RANBP17: variants seen among roughly 807,000 people sequenced by gnomAD.
RANBP17 encodes the protein RAN binding protein 17, also known as ran-binding protein 17.
In RANBP17, 158 loss-of-function variants were observed where a neutral mutation model predicts 141.2. That is an observed-to-expected ratio of 1.12 (90% CI 0.98 to 1.28). The LOEUF is 1.28. Among genes scored for constraint, RANBP17 ranks in the 50% most tolerant of loss-of-function variants. The pLI is 0.00. For missense variants in RANBP17, 1,438 were observed against 1,290.7 expected, an observed-to-expected ratio of 1.11 and a Z score of -1.75; for synonymous variants, 430 against 450.0, an observed-to-expected ratio of 0.96 and a Z score of 0.56.
At position 171,295,462 on chromosome 5, in the gene RANBP17, G is replaced by A. The variant is rs1768759909; in HGVS notation, c.3043-425G>A. Among the ~76,000 whole-genome samples, 3 of 152,128 alleles carry A rather than the reference G, an allele frequency of 2.0e-5. 1 individual carries two copies. In the South Asian group the frequency reaches 6.2e-4, roughly 32 times the overall value. ...CACTGAAGCCAGGAAAGATGATAAG[G>A]CCTGAGGAAAGACCCTTGGCCTTGC... On this transcript the variant is annotated intron_variant, in intron 26 of 27. Transcript: ENST00000523189.
intron 11 of RANBP17, among the ~76,000 whole-genome samples, chr5:170,922,709 G>A (rs1772571580): frequency 6.6e-6 from 1 of 152,158 alleles, no homozygotes; most frequent in Non-Finnish European, 1.5e-5. Context: ...TACTGTTTCT[G>A]CAGATACAGT....
intron 14 of RANBP17, among the ~76,000 whole-genome samples, chr5:171,164,480 G>T (rs1224117887): frequency 6.6e-6 from 1 of 151,972 alleles, no homozygotes; most frequent in Admixed American, 6.6e-5. Context: ...TAAGCTACTT[G>T]CAAATTCTAC....
chr5:171,047,499 C>T (rs1480625723), intron 14 of RANBP17, among the ~76,000 whole-genome samples: 6 of 143,444 alleles, frequency 4.2e-5, no homozygotes, highest in South Asian at 2.2e-4. Flanking sequence ...TGCAGTGGTG[C>T]GATCTCAGCT....
intron 1 of RANBP17, among the ~76,000 whole-genome samples, chr5:170,877,332 C>G (rs1445495629): frequency 6.6e-6 from 1 of 152,004 alleles, no homozygotes; most frequent in Non-Finnish European, 1.5e-5. Flanking sequence ...ATGATAGTAT[C>G]AAGGCTCACT....
At chr5:171,130,911 T>C (rs1182529830) in intron 14 of RANBP17, among the ~76,000 whole-genome samples, 1 of 152,220 alleles carries the variant, frequency 6.6e-6, no homozygotes, top group Non-Finnish European at 1.5e-5. Context: ...CAGCATTTTA[T>C]TTATAATAAA....
intron 16 of RANBP17, among the ~76,000 whole-genome samples, chr5:171,174,751 AGTGT>A (rs57948503): frequency 0.011 from 1,521 of 135,694 alleles, 11 homozygotes; most frequent in African/African-American, 0.023. Flanking sequence ...AAATATCTAG[AGTGT>A]GTGTGTGTGT....
chr5:171,254,501 T>C (rs941467394), intron 24 of RANBP17, among the ~76,000 whole-genome samples: 3 of 152,168 alleles, frequency 2.0e-5, no homozygotes, highest in African/African-American at 4.8e-5. Context: ...TACATTTTAA[T>C]CAAGTAGACT....
intron 25 of RANBP17, among the ~76,000 whole-genome samples, chr5:171,270,888 C>T (rs2128026155): frequency 6.6e-6 from 1 of 151,994 alleles, no homozygotes; most frequent in South Asian, 2.1e-4. Flanking sequence ...GTATTTTTAG[C>T]AATTATCGTC....
intron 19 of RANBP17, among the ~76,000 whole-genome samples, chr5:171,202,413 A>C (rs897274213): frequency 6.6e-6 from 1 of 152,192 alleles, no homozygotes; most frequent in Non-Finnish European, 1.5e-5. Context: ...AAAACTTCTC[A>C]GAGAAAGAGA....
chr5:171,222,740 C>T (rs1763647544), intron 22 of RANBP17, among the ~76,000 whole-genome samples: 1 of 152,182 alleles, frequency 6.6e-6, no homozygotes. Context: ...AGGTGATCCT[C>T]CCACCTCAGC....
chr5:171,083,959 T>C (rs1302819925), intron 14 of RANBP17, among the ~76,000 whole-genome samples: 1 of 80,808 alleles, frequency 1.2e-5, no homozygotes, highest in African/African-American at 4.0e-5. Flanking sequence ...TGTGGTTATG[T>C]CTTTTTTTTT....
intron 14 of RANBP17, among the ~76,000 whole-genome samples, chr5:171,119,629 G>C (rs1478791257): frequency 6.6e-6 from 1 of 152,144 alleles, no homozygotes; most frequent in East Asian, 1.9e-4. Context: ...CTGTGGGTCT[G>C]TCATATATGG....
chr5:170,929,918 T>C (rs1208226615), intron 12 of RANBP17, among the ~76,000 whole-genome samples: 1 of 152,210 alleles, frequency 6.6e-6, no homozygotes, highest in Non-Finnish European at 1.5e-5. Context: ...GGGTCAAATT[T>C]AGTCATTTGT....
chr5:171,297,619 G>T, intron 27 of RANBP17, among the ~76,000 whole-genome samples: 1 of 151,526 alleles, frequency 6.6e-6, no homozygotes, highest in Non-Finnish European at 1.5e-5. Context: ...GAAGCCAGCA[G>T]ATGAGAGTTG....
chr5:171,053,917 AT>A (rs1783158269), intron 14 of RANBP17, among the ~76,000 whole-genome samples: 2 of 57,620 alleles, frequency 3.5e-5, no homozygotes, highest in African/African-American at 9.7e-5. Context: ...ATATATATAT[AT>A]ATATATAATT....
rs186889517 is a variant in RANBP17, at chr5:171,147,794, C to T, written c.1711-22336C>T. On this transcript the variant is annotated intron_variant, in intron 14 of 27. Transcript: ENST00000523189. ...GGGGTCAGCCCCCCGCCCGGCCAGC[C>T]GCCCCGTCCGGGACGTGAGGGGTGC... Among the ~76,000 whole-genome samples, 288 of 152,302 alleles carry T rather than the reference C, an allele frequency of 1.9e-3. 1 individual carries two copies. Among genetic ancestry groups the T allele is most frequent in the African/African-American group, 6.5e-3 (272 of 41,580 alleles).
At chr5:171,069,686 T>G (rs989082968) in intron 14 of RANBP17, among the ~76,000 whole-genome samples, 41 of 152,184 alleles carry the variant, frequency 2.7e-4, no homozygotes, top group African/African-American at 9.7e-4. Context: ...TTGCCCAACT[T>G]TAGACTAATT....
intron 24 of RANBP17, among the ~76,000 whole-genome samples, chr5:171,244,595 C>T (rs1034582886): frequency 3.0e-4 from 45 of 151,940 alleles, no homozygotes; most frequent in Admixed American, 5.9e-4. Flanking sequence ...TACAGGCTTG[C>T]GCCATCATAC....
At chr5:171,134,719 A>T (rs528121609) in intron 14 of RANBP17, among the ~76,000 whole-genome samples, 1 of 152,276 alleles carries the variant, frequency 6.6e-6, no homozygotes, top group East Asian at 1.9e-4. Flanking sequence ...TCAGGAGTTC[A>T]AGACCAGCCT....
Sources: allele counts gnomAD v4.1 joint callset (sites outside exome capture counted in the v4.1 genomes callset), GRCh38; gene constraint gnomAD v4.1.1; transcripts MANE v1.5; gene names NCBI Gene and HGNC (gene_info 2026-07-23, HGNC 2026-07-21).